The following METTL25 variants were observed in gnomAD, a reference collection of about 807,000 sequenced individuals.
METTL25 encodes probable methyltransferase-like protein 25.
A neutral mutation model predicts 71.6 loss-of-function variants in METTL25; 64 were observed. The observed-to-expected ratio is 0.89, with a 90% CI of 0.73 to 1.10. The LOEUF (loss-of-function observed/expected upper bound fraction) is 1.10, where lower values mean the gene tolerates loss of function less well. Among genes scored for constraint, METTL25 ranks in the 50% least tolerant of loss-of-function variants. METTL25 has a pLI of 0.00. For synonymous variants in METTL25, 287 were observed against 250.3 expected (o/e 1.15, Z -1.38); for missense variants, 807 against 707.0 (o/e 1.14, Z -1.60).
intron 8 of METTL25, among the ~76,000 whole-genome samples, chr12:82,447,455 T>C (rs1301359144): frequency 6.6e-6 from 1 of 152,198 alleles, no homozygotes; most frequent in Non-Finnish European, 1.5e-5. Context: ...TGTGGTTGAA[T>C]CTTGTGAATA....
At chr12:82,397,435 G>A (rs1308878166) in intron 3 of METTL25, among the ~76,000 whole-genome samples, 1 of 151,968 alleles carries the variant, frequency 6.6e-6, no homozygotes, top group Non-Finnish European at 1.5e-5. Flanking sequence ...TTTTTGAATA[G>A]AAGTTTTAAT....
At chr12:82,422,608 C>A (rs1888618398) in intron 5 of METTL25, among the ~76,000 whole-genome samples, 1 of 152,110 alleles carries the variant, frequency 6.6e-6, no homozygotes, top group Non-Finnish European at 1.5e-5. Context: ...GTCAAATTGT[C>A]CCTGTTTGCA....
chr12:82,448,987 C>T (rs1269492774), intron 8 of METTL25, among the ~76,000 whole-genome samples: 1 of 152,136 alleles, frequency 6.6e-6, no homozygotes, highest in Non-Finnish European at 1.5e-5. Context: ...TCTGCTTCAC[C>T]TTTCTCTAAA....
At chr12:82,445,767 T>G (rs553197597) in intron 8 of METTL25, among the ~76,000 whole-genome samples, 2 of 152,332 alleles carry the variant, frequency 1.3e-5, no homozygotes, top group East Asian at 3.9e-4. Context: ...TGCCCACCAT[T>G]TCAAGATAAA....
chr12:82,444,434 A>G (rs535575508), intron 8 of METTL25, among the ~76,000 whole-genome samples: 3 of 152,320 alleles, frequency 2.0e-5, no homozygotes, highest in African/African-American at 7.2e-5. Flanking sequence ...AAGGATGCTA[A>G]CATGCAACAG....
chr12:82,422,947 A>G (rs980749144), intron 5 of METTL25, among the ~76,000 whole-genome samples: 9 of 152,208 alleles, frequency 5.9e-5, no homozygotes, highest in South Asian at 2.1e-4. Context: ...GGAAGAATCA[A>G]TATTGTGAAA....
chr12:82,369,305 T>C, intron 1 of METTL25: 1 of 266,192 alleles, frequency 3.8e-6, no homozygotes, highest in South Asian at 3.4e-5. Context: ...CTCCAGTGTG[T>C]CCTGGTGTGT....
At chr12:82,393,081 C>T (rs1253960134) in intron 3 of METTL25, among the ~76,000 whole-genome samples, 1 of 151,990 alleles carries the variant, frequency 6.6e-6, no homozygotes, top group African/African-American at 2.4e-5. Context: ...CAGCTTTGTT[C>T]TTTTTGCTCA....
chr12:82,381,116 C>CT (rs1313319854), intron 1 of METTL25, among the ~76,000 whole-genome samples: 2 of 152,172 alleles, frequency 1.3e-5, no homozygotes. Flanking sequence ...TAAGTTATAA[C>CT]AAAGTAGCTT....
chr12:82,448,432 C>T (rs1042371437), intron 8 of METTL25, among the ~76,000 whole-genome samples: 1 of 151,822 alleles, frequency 6.6e-6, no homozygotes, highest in Non-Finnish European at 1.5e-5. Context: ...ATAATAGAAA[C>T]TTTCTAAGGG....
At chr12:82,375,761 A>G (rs949172220) in intron 1 of METTL25, among the ~76,000 whole-genome samples, 4 of 152,208 alleles carry the variant, frequency 2.6e-5, no homozygotes, top group African/African-American at 4.8e-5. Flanking sequence ...GGCCTTTATA[A>G]TATCAGTATT....
At chr12:82,423,803 C>T (rs1317794884) in intron 5 of METTL25, among the ~76,000 whole-genome samples, 4 of 152,200 alleles carry the variant, frequency 2.6e-5, no homozygotes, top group Non-Finnish European at 4.4e-5. Context: ...CATCACTGGC[C>T]ATCCGATAAA....
intron 5 of METTL25, among the ~76,000 whole-genome samples, chr12:82,412,250 G>A (rs1487084755): frequency 6.6e-6 from 1 of 151,952 alleles, no homozygotes; most frequent in Admixed American, 6.6e-5. Context: ...TATAACACAT[G>A]CATTCCTGTT....
At chr12:82,438,507 G>T (rs568872997) in intron 7 of METTL25, 60 of 337,642 alleles carry the variant, frequency 1.8e-4, no homozygotes, top group African/African-American at 1.2e-3. Context: ...TTTCTTTTAT[G>T]GTTTCTTTTT....
chr12:82,463,494 C>T (rs894973332), intron 9 of METTL25, among the ~76,000 whole-genome samples: 5 of 151,906 alleles, frequency 3.3e-5, no homozygotes, highest in African/African-American at 1.2e-4. Flanking sequence ...TTGATGGACA[C>T]CAAGGTTGGT....
At chr12:82,435,013 GT>G (rs1228619141) in intron 7 of METTL25, among the ~76,000 whole-genome samples, 1 of 151,384 alleles carries the variant, frequency 6.6e-6, no homozygotes, top group Non-Finnish European at 1.5e-5. Flanking sequence ...TGACAATTAG[GT>G]TTTTAGGTGC....
intron 6 of METTL25, among the ~76,000 whole-genome samples, chr12:82,433,266 C>A (rs1443279224): frequency 2.0e-5 from 3 of 150,842 alleles, no homozygotes; most frequent in Non-Finnish European, 3.0e-5. Context: ...TTTTTTAATT[C>A]AGTTTGGCCT....
At chr12:82,409,328 T>A (rs1433494305) in intron 5 of METTL25, among the ~76,000 whole-genome samples, 2 of 152,128 alleles carry the variant, frequency 1.3e-5, no homozygotes, top group Non-Finnish European at 2.9e-5. Context: ...TTATAGAGTG[T>A]CTGTTTGGCC....
chr12:82,465,649 A>C (rs1046618036), intron 9 of METTL25, among the ~76,000 whole-genome samples: 2 of 151,870 alleles, frequency 1.3e-5, no homozygotes, highest in Non-Finnish European at 2.9e-5. Context: ...CTACACTTTA[A>C]TTTTTTGCAA....
Sources: allele counts gnomAD v4.1 joint callset (sites outside exome capture counted in the v4.1 genomes callset), GRCh38; gene constraint gnomAD v4.1.1; transcripts MANE v1.5; gene names NCBI Gene and HGNC (gene_info 2026-07-23, HGNC 2026-07-21).